KCNMB2: variants seen among roughly 807,000 people sequenced by gnomAD.
The protein encoded by KCNMB2 is potassium calcium-activated channel subfamily M regulatory beta subunit 2.
KCNMB2 carries 9 observed loss-of-function variants against 24.5 expected under a neutral mutation model. That is an observed-to-expected ratio of 0.37 (90% CI 0.22 to 0.64). KCNMB2 has a LOEUF of 0.64. Ranked by LOEUF, KCNMB2 falls within the 30% of genes least tolerant of loss-of-function variation. The pLI is 0.63. For missense variants in KCNMB2, 226 were observed against 284.3 expected (o/e 0.79, Z 1.47); for synonymous variants, 109 against 104.4 (o/e 1.04, Z -0.27).
At chr3:178,619,604 C>T (rs1054596285) in intron 1 of KCNMB2, among the ~76,000 whole-genome samples, 24 of 151,890 alleles carry the variant, frequency 1.6e-4, no homozygotes, top group African/African-American at 3.4e-4. Context: ...TTTCTGCTTG[C>T]GACAATTAAA....
chr3:178,644,821 A>G (rs1188613800), intron 1 of KCNMB2, among the ~76,000 whole-genome samples: 2 of 152,190 alleles, frequency 1.3e-5, no homozygotes, highest in Non-Finnish European at 2.9e-5. Flanking sequence ...TACAAGCTAC[A>G]TGAATTTAGA....
At chr3:178,782,617 T>C (rs1247415289) in intron 1 of KCNMB2, among the ~76,000 whole-genome samples, 17 of 145,350 alleles carry the variant, frequency 1.2e-4, no homozygotes, top group Admixed American at 4.8e-4. Context: ...TCATGTCCTT[T>C]GCCCACTTTT....
At chr3:178,679,997 G>C (rs1721210016) in intron 1 of KCNMB2, among the ~76,000 whole-genome samples, 1 of 151,958 alleles carries the variant, frequency 6.6e-6, no homozygotes, top group Non-Finnish European at 1.5e-5. Context: ...GGACAGCATA[G>C]AGTCTGACCT....
At chr3:178,564,724 C>T (rs1243820348) in intron 1 of KCNMB2, among the ~76,000 whole-genome samples, 2 of 152,106 alleles carry the variant, frequency 1.3e-5, no homozygotes, top group Non-Finnish European at 2.9e-5. Context: ...GATTACAAAT[C>T]AATACAAATG....
chr3:178,761,550 G>A (rs1040434049), intron 1 of KCNMB2, among the ~76,000 whole-genome samples: 1 of 152,198 alleles, frequency 6.6e-6, no homozygotes, highest in Admixed American at 6.5e-5. Flanking sequence ...ATGTAGCCAA[G>A]ATGGCTTGTC....
intron 1 of KCNMB2, among the ~76,000 whole-genome samples, chr3:178,688,359 T>G (rs1443908036): frequency 6.6e-6 from 1 of 152,182 alleles, no homozygotes; most frequent in Non-Finnish European, 1.5e-5. Context: ...TCATCAAATC[T>G]TATTGATTTA....
chr3:178,806,577 T>C (rs534794877), intron 1 of KCNMB2, among the ~76,000 whole-genome samples: 22 of 152,160 alleles, frequency 1.4e-4, no homozygotes, highest in Admixed American at 1.4e-3. Context: ...CTTTTTTATT[T>C]AATGTTCCTA....
At chr3:178,635,408 T>TACACACACACACACACACACAC (rs58294929) in intron 1 of KCNMB2, among the ~76,000 whole-genome samples, 1 of 144,878 alleles carries the variant, frequency 6.9e-6, no homozygotes, top group African/African-American at 2.6e-5. Flanking sequence ...TGCTTATGCA[T>TACACACACACACACACACACAC]ACACACACAC....
intron 1 of KCNMB2, among the ~76,000 whole-genome samples, chr3:178,761,453 A>G (rs950258390): frequency 6.6e-6 from 1 of 152,206 alleles, no homozygotes; most frequent in Admixed American, 6.5e-5. Context: ...ACACTTCCTT[A>G]CAGTCTATCC....
At chr3:178,773,496 T>C (rs1712459891) in intron 1 of KCNMB2, among the ~76,000 whole-genome samples, 1 of 152,168 alleles carries the variant, frequency 6.6e-6, no homozygotes, top group Non-Finnish European at 1.5e-5. Flanking sequence ...AATGTATTTG[T>C]ACTGGGTCTG....
intron 4 of KCNMB2, among the ~76,000 whole-genome samples, chr3:178,835,899 A>C (rs1715210983): frequency 6.6e-6 from 1 of 152,066 alleles, no homozygotes; most frequent in Admixed American, 6.6e-5. Context: ...TATACATTCT[A>C]TATTGTTTAT....
intron 1 of KCNMB2, among the ~76,000 whole-genome samples, chr3:178,638,844 C>T (rs1463318473): frequency 1.3e-5 from 2 of 152,104 alleles, no homozygotes; most frequent in Admixed American, 1.3e-4. Context: ...TCATACAAGC[C>T]TTTTAAAATA....
chr3:178,686,376 G>A (rs1721473372), intron 1 of KCNMB2, among the ~76,000 whole-genome samples: 1 of 152,154 alleles, frequency 6.6e-6, no homozygotes, highest in Non-Finnish European at 1.5e-5. Context: ...TTCTTTAAAA[G>A]TGATCTATTG....
At chr3:178,745,174 A>C (rs1237600240) in intron 1 of KCNMB2, among the ~76,000 whole-genome samples, 3 of 152,208 alleles carry the variant, frequency 2.0e-5, no homozygotes, top group Non-Finnish European at 4.4e-5. Context: ...GCTGCTGATA[A>C]AGACATACCC....
At chr3:178,611,350 CCT>C (rs924779272) in intron 1 of KCNMB2, among the ~76,000 whole-genome samples, 4 of 152,042 alleles carry the variant, frequency 2.6e-5, no homozygotes, top group African/African-American at 9.7e-5. Flanking sequence ...TTATTTGGAA[CCT>C]CTCTCTTTTT....
At chr3:178,767,009 G>A (rs912241570) in intron 1 of KCNMB2, among the ~76,000 whole-genome samples, 7 of 152,166 alleles carry the variant, frequency 4.6e-5, no homozygotes, top group Admixed American at 4.6e-4. Context: ...GGAAATGTCT[G>A]GACATATTTT....
At chr3:178,792,727 A>G (rs1256851525) in intron 1 of KCNMB2, among the ~76,000 whole-genome samples, 2 of 152,256 alleles carry the variant, frequency 1.3e-5, no homozygotes, top group East Asian at 3.8e-4. Flanking sequence ...GTGGAAAAAG[A>G]TATTCCTTGC....
intron 2 of KCNMB2, among the ~76,000 whole-genome samples, chr3:178,813,276 T>C (rs1412360651): frequency 6.6e-6 from 1 of 152,210 alleles, no homozygotes; most frequent in African/African-American, 2.4e-5. Context: ...TCCCGGAATA[T>C]AATTCCTTAT....
rs1056544013 is a variant in KCNMB2 at position 178,771,733 on chromosome 3, T to C, written c.-67-35610T>C. ...TTCTTCAAATACAGTAAGCACATTA[T>C]CACCTCAGGGTCTACATTTGCCATT... On this transcript the variant is annotated intron_variant, in intron 1 of 4. Transcript: ENST00000452583. Among the ~76,000 whole-genome samples the C allele has an allele frequency of 5.9e-5, 9 of 152,230 alleles. No homozygotes were observed. In the South Asian group the frequency reaches 1.0e-3, roughly 18 times the overall value.
Sources: allele counts gnomAD v4.1 joint callset (sites outside exome capture counted in the v4.1 genomes callset), GRCh38; gene constraint gnomAD v4.1.1; transcripts MANE v1.5; gene names NCBI Gene and HGNC (gene_info 2026-07-23, HGNC 2026-07-21).